Variants in ANO2 observed in about 807,000 individuals in gnomAD.
The protein encoded by ANO2 is anoctamin 2, also known as anoctamin-2.
In ANO2, 101 loss-of-function variants were observed where a neutral mutation model predicts 124.2. That is an observed-to-expected ratio of 0.81 (90% CI 0.69 to 0.96). ANO2 has a LOEUF of 0.96. Ranked by LOEUF, ANO2 falls within the 40% of genes least tolerant of loss-of-function variation. ANO2 has a pLI of 0.00. For missense variants in ANO2, 1,293 were observed against 1,274.5 expected (o/e 1.01, Z -0.22); for synonymous variants, 486 against 482.5 (o/e 1.01, Z -0.09).
At chr12:5,869,377 A>G (rs1955512486) in intron 3 of ANO2, among the ~76,000 whole-genome samples, 1 of 152,160 alleles carries the variant, frequency 6.6e-6, no homozygotes, top group Non-Finnish European at 1.5e-5. Context: ...TCTGAGCTCC[A>G]TGGGGACAAG....
At chr12:5,790,909 G>A (rs1405530706) in intron 10 of ANO2, among the ~76,000 whole-genome samples, 7 of 152,082 alleles carry the variant, frequency 4.6e-5, no homozygotes, top group African/African-American at 1.7e-4. Flanking sequence ...CTGATAGGGT[G>A]GATTTTTCAT....
chr12:5,649,898 C>T (rs572253400), intron 14 of ANO2, among the ~76,000 whole-genome samples: 1 of 152,304 alleles, frequency 6.6e-6, no homozygotes, highest in Non-Finnish European at 1.5e-5. Flanking sequence ...ATCCGCCTGC[C>T]TTGGCCTCCC....
intron 14 of ANO2, among the ~76,000 whole-genome samples, chr12:5,684,479 C>A (rs1475965058): frequency 6.6e-6 from 1 of 152,190 alleles, no homozygotes; most frequent in Non-Finnish European, 1.5e-5. Flanking sequence ...TCTCTGGGGG[C>A]AGTGGGAGGA....
chr12:5,718,512 C>T (rs1344316948), intron 14 of ANO2, among the ~76,000 whole-genome samples: 2 of 152,178 alleles, frequency 1.3e-5, no homozygotes, highest in East Asian at 3.9e-4. Flanking sequence ...ACAAAGCCAA[C>T]AGTCGAGTAG....
chr12:5,632,873 C>T (rs774406250), intron 16 of ANO2, among the ~76,000 whole-genome samples: 182 of 152,268 alleles, frequency 1.2e-3, no homozygotes, highest in Middle Eastern at 3.4e-3. Context: ...TTCCCTACTT[C>T]CTGCCCGCAC....
intron 3 of ANO2, among the ~76,000 whole-genome samples, chr12:5,905,548 T>C (rs1203990395): frequency 6.6e-6 from 1 of 152,048 alleles, no homozygotes; most frequent in Non-Finnish European, 1.5e-5. Flanking sequence ...GAATAGGAAG[T>C]TCCTGATGAC....
chr12:5,660,945 T>C (rs1947406376), intron 14 of ANO2, among the ~76,000 whole-genome samples: 1 of 152,194 alleles, frequency 6.6e-6, no homozygotes, highest in African/African-American at 2.4e-5. Flanking sequence ...CTCTCATGGA[T>C]CTGAGGAAAA....
intron 14 of ANO2, among the ~76,000 whole-genome samples, chr12:5,664,809 G>A (rs251779): frequency 0.4 from 60,162 of 152,052 alleles, 13,095 homozygotes; most frequent in African/African-American, 0.55. Flanking sequence ...CTCTTTTAGG[G>A]AATTTAATGG....
At chr12:5,719,260 C>T (rs1022242260) in intron 14 of ANO2, among the ~76,000 whole-genome samples, 4 of 152,164 alleles carry the variant, frequency 2.6e-5, no homozygotes, top group Admixed American at 6.5e-5. Flanking sequence ...CCCATGTGCA[C>T]GTTCAAGGCA....
Position 5,787,462 on chromosome 12 carries a change from C to A in ANO2, c.1055+12045G>T, listed in dbSNP as rs1952570990. Among the ~76,000 whole-genome samples the A allele has an allele frequency of 6.6e-6, 1 of 152,178 alleles. No individual in the cohort carries two copies. The highest frequency in any genetic ancestry group is 1.5e-5 in the Non-Finnish European group (1 of 68,026). On this transcript the variant is annotated intron_variant, in intron 10 of 24. Coordinates refer to ENST00000682330, the MANE Select transcript of ANO2 (RefSeq NM_001364791.2). The surrounding 1 kb of genome is among the most constrained non-coding windows in gnomAD (Gnocchi z 4.2). The stretch of plus-strand genomic sequence containing the variant: ...GTGGGGCATACACATGGTGGAGAAG[C>A]CAGACTCAGGAGTTCAGATCCTACC...
intron 1 of ANO2, among the ~76,000 whole-genome samples, chr12:5,943,828 T>C (rs1324004518): frequency 1.3e-5 from 2 of 152,028 alleles, no homozygotes; most frequent in East Asian, 1.9e-4. Flanking sequence ...TTCCAGAAAA[T>C]TAGGTCTTTG....
chr12:5,921,103 C>T lies in ANO2; in HGVS notation c.471G>A (p.Glu157=), dbSNP rs3741900. ...PLDALEEERK[E]QREEFEHNLM... Reference sequence around the variant, plus strand: ...GATTGTGCTCAAATTCCTCCCGCTGCTCCTTCCTCTCCTCCTCCAGGGCAT... The same window carrying T: ...GATTGTGCTCAAATTCCTCCCGCTGTTCCTTCCTCTCCTCCTCCAGGGCAT... The change falls in exon 3 of 25, where the codon GAG becomes GAA. Residue 157 remains glutamate (E), a synonymous_variant. Coordinates refer to ENST00000682330, the MANE Select transcript of ANO2 (RefSeq NM_001364791.2). The T allele has an allele frequency of 6.0e-5, 97 of 1,613,932 alleles. 2 individuals are homozygous for T. The East Asian group carries it at 2.1e-3, about 34-fold the overall frequency.
At chr12:5,839,660 A>G (rs1954449223) in intron 4 of ANO2, 3 of 455,730 alleles carry the variant, frequency 6.6e-6, no homozygotes, top group South Asian at 3.1e-5. Flanking sequence ...GAGAAACACA[A>G]GGATGATAAC....
chr12:5,575,742 T>C (rs1357172038), intron 23 of ANO2, 92 bp downstream of exon 23: 7 of 1,390,132 alleles, frequency 5.0e-6, no homozygotes, highest in African/African-American at 2.9e-5. Context: ...CATCATCATG[T>C]TGTGCAGGGT....
chr12:5,897,369 C>T lies in ANO2; in HGVS notation c.534+23671G>A, dbSNP rs150299095. ...AAAAAACTGCTCAGGTTAGCACCTA[C>T]TAGAAACCCTGGCCACCCATACAAG... is the stretch of plus-strand genomic sequence containing the variant. On this transcript the variant is annotated intron_variant, in intron 3 of 24. Transcript: ENST00000682330. 9.4e-3 allele frequency among the ~76,000 whole-genome samples: 1,433 copies of T among 152,240 alleles called. 7 individuals are homozygous for T. Among genetic ancestry groups the T allele is most frequent in the Middle Eastern group, 0.021 (6 of 292 alleles).
intron 4 of ANO2, chr12:5,851,879 C>T: frequency 1.4e-6 from 1 of 710,296 alleles, no homozygotes; most frequent in Admixed American, 2.0e-5. Context: ...ACACACTTTT[C>T]CTGTGTCTCT....
intron 7 of ANO2, among the ~76,000 whole-genome samples, chr12:5,812,430 AAAAG>A (rs1201240787): frequency 1.7e-5 from 2 of 114,340 alleles, no homozygotes; most frequent in African/African-American, 3.4e-5. Context: ...GCAGGCAAGC[AAAAG>A]AAAGAGAGAA....
intron 20 of ANO2, among the ~76,000 whole-genome samples, chr12:5,596,847 T>C (rs1004285964): frequency 2.6e-5 from 4 of 152,210 alleles, no homozygotes; most frequent in African/African-American, 9.6e-5. Flanking sequence ...TTCTAAGCAC[T>C]GTATTAGCAC....
At chr12:5,718,244 C>A (rs1368387700) in intron 14 of ANO2, among the ~76,000 whole-genome samples, 6 of 152,192 alleles carry the variant, frequency 3.9e-5, no homozygotes, top group African/African-American at 1.4e-4. Flanking sequence ...GTTAGCAAGC[C>A]TAAGTAAGGG....
Sources: allele counts gnomAD v4.1 joint callset (sites outside exome capture counted in the v4.1 genomes callset), GRCh38; gene constraint gnomAD v4.1.1; non-coding constraint Gnocchi (gnomAD v3.1); transcripts MANE v1.5; gene names NCBI Gene and HGNC (gene_info 2026-07-23, HGNC 2026-07-21).